GXYLT2: variants seen among roughly 807,000 people sequenced by gnomAD.
The protein encoded by GXYLT2 is glucoside xylosyltransferase 2.
GXYLT2 carries 53 observed loss-of-function variants against 45.8 expected under a neutral mutation model. The ratio of observed to expected loss-of-function variants is 1.16; its 90% confidence interval spans 0.93 to 1.46. The LOEUF is 1.46. Ranked by LOEUF, GXYLT2 falls within the 40% of genes most tolerant of loss-of-function variation. GXYLT2 has a pLI of 0.00. For synonymous variants in GXYLT2, 219 were observed against 214.2 expected, an observed-to-expected ratio of 1.02 and a Z score of -0.19; for missense variants, 551 against 544.4, an observed-to-expected ratio of 1.01 and a Z score of -0.12.
chr3:72,958,128 G>A (rs1430528428), intron 5 of GXYLT2, among the ~76,000 whole-genome samples: 1 of 151,866 alleles, frequency 6.6e-6, no homozygotes, highest in Non-Finnish European at 1.5e-5. Context: ...AAAAAAATTA[G>A]CCAGATGTGG....
intron 3 of GXYLT2, among the ~76,000 whole-genome samples, chr3:72,938,801 A>G (rs1175593728): frequency 1.3e-5 from 2 of 152,242 alleles, no homozygotes; most frequent in Non-Finnish European, 2.9e-5. Context: ...CACACAGCTG[A>G]AATGATGAAA....
intron 6 of GXYLT2, among the ~76,000 whole-genome samples, chr3:72,971,786 TA>T (rs1710989008): frequency 6.6e-6 from 1 of 151,812 alleles, no homozygotes; most frequent in South Asian, 2.1e-4. Flanking sequence ...CTGTCTCTAC[TA>T]AAAACATGAA....
chr3:72,947,667 G>A (rs1312255465), intron 3 of GXYLT2, among the ~76,000 whole-genome samples: 1 of 152,108 alleles, frequency 6.6e-6, no homozygotes, highest in Non-Finnish European at 1.5e-5. Context: ...CAAGTGTGGT[G>A]GTGGGCACCT....
chr3:72,931,190 G>A (rs1710027057), intron 3 of GXYLT2, among the ~76,000 whole-genome samples: 1 of 152,032 alleles, frequency 6.6e-6, no homozygotes, highest in African/African-American at 2.4e-5. Flanking sequence ...TAACAAAAAT[G>A]TAGAAATTAA....
chr3:72,905,184 C>G (rs1709488840), intron 1 of GXYLT2, among the ~76,000 whole-genome samples: 1 of 151,908 alleles, frequency 6.6e-6, no homozygotes, highest in African/African-American at 2.4e-5. Context: ...GTGGCACGAT[C>G]TCAGCTCATT....
At chr3:72,930,644 A>G (rs1253029279) in intron 3 of GXYLT2, among the ~76,000 whole-genome samples, 9 of 128,868 alleles carry the variant, frequency 7.0e-5, no homozygotes, top group Non-Finnish European at 1.1e-4. Context: ...CCCAGGCTAG[A>G]GTACAGTGGT....
In GXYLT2 at chr3:72,908,413, C is replaced by G; in HGVS notation, c.322C>G (p.Leu108Val). 6.2e-7 allele frequency: 1 copy of G among 1,613,834 alleles called. No individual in the cohort carries two copies. The highest frequency in any genetic ancestry group is 8.5e-7 in the Non-Finnish European group (1 of 1,179,840). ...TTTCCAAGCTGTGCTGCCACCCGAG[C>G]TCTGGATCCACCTGGCTGTGGTGGC... ...RSFQAVLPPE[L>V]WIHLAVVACG... The change falls in exon 2 of 7, where the codon CTC (leucine) becomes GTC (valine). Residue 108 changes from leucine to valine, a missense_variant. Leu to Val is a conservative substitution (Grantham distance 32, BLOSUM62 1). Transcript: ENST00000389617.
chr3:72,908,651 T>G (rs989267276), intron 2 of GXYLT2, 92 bp downstream of exon 2: 1 of 1,076,180 alleles, frequency 9.3e-7, no homozygotes, highest in African/African-American at 1.6e-5. Context: ...TGTATTTTGC[T>G]GCATGTTCAA....
At chr3:72,930,352 A>C (rs535241381) in intron 3 of GXYLT2, among the ~76,000 whole-genome samples, 1 of 151,502 alleles carries the variant, frequency 6.6e-6, no homozygotes, top group African/African-American at 2.4e-5. Context: ...AAACACAAAA[A>C]TTAGCTGGGC....
intron 2 of GXYLT2, among the ~76,000 whole-genome samples, chr3:72,917,031 C>T (rs1340019948): frequency 1.3e-5 from 2 of 151,892 alleles, no homozygotes; most frequent in African/African-American, 2.4e-5. Flanking sequence ...ATGAGGTGGG[C>T]GGTTAGATTG....
rs575203613 is a variant in GXYLT2, at chr3:72,892,335, G to C, written c.275+3827G>C. Among the ~76,000 whole-genome samples the C allele has an allele frequency of 6.2e-4, 94 of 152,232 alleles. No individual in the cohort carries two copies. The South Asian group carries it at 0.012, about 20-fold the overall frequency. Reference sequence around the variant, plus strand: ...GATTACTCAACCGCAACCCTGTCCTGAACTTTATTCTTTTTTTCTGTGTTG... The same window carrying C: ...GATTACTCAACCGCAACCCTGTCCTCAACTTTATTCTTTTTTTCTGTGTTG... On this transcript the variant is annotated intron_variant, in intron 1 of 6. Coordinates refer to ENST00000389617, the MANE Select transcript of GXYLT2 (RefSeq NM_001080393.2).
chr3:72,972,500 G>C lies in GXYLT2; in HGVS notation c.1150-2477G>C, dbSNP rs1213133141. 3.9e-5 allele frequency among the ~76,000 whole-genome samples: 6 copies of C among 151,936 alleles called. No individual in the cohort carries two copies. In the East Asian group the frequency reaches 1.2e-3, roughly 29 times the overall value. On this transcript the variant is annotated intron_variant, in intron 6 of 6. Transcript: ENST00000389617. ...TACTAAAAATACAGAAATCAGCCGG[G>C]CGTGGTGGCAGGCACCTGTAATCCC... is the stretch of plus-strand genomic sequence containing the variant.
At chr3:72,932,587 G>A (rs1032040099) in intron 3 of GXYLT2, among the ~76,000 whole-genome samples, 3 of 152,160 alleles carry the variant, frequency 2.0e-5, no homozygotes, top group Admixed American at 2.0e-4. Context: ...CAACATTTAA[G>A]CCACATGGAT....
intron 1 of GXYLT2, among the ~76,000 whole-genome samples, chr3:72,896,392 T>C (rs1245461517): frequency 6.6e-6 from 1 of 151,744 alleles, no homozygotes; most frequent in Non-Finnish European, 1.5e-5. Flanking sequence ...CTAGGCAATA[T>C]AGTGAGACAC....
intron 1 of GXYLT2, among the ~76,000 whole-genome samples, chr3:72,890,667 C>T (rs1299505060): frequency 2.0e-5 from 3 of 152,132 alleles, no homozygotes; most frequent in Non-Finnish European, 4.4e-5. Context: ...TTCAAGGTGT[C>T]GAGAACAGTG....
chr3:72,913,123 C>T (rs1411918759), intron 2 of GXYLT2, among the ~76,000 whole-genome samples: 10 of 150,750 alleles, frequency 6.6e-5, no homozygotes, highest in South Asian at 2.1e-4. Context: ...CTGCAAGCTC[C>T]GCCTCCCAGG....
chr3:72,900,108 C>T (rs538564429), intron 1 of GXYLT2, among the ~76,000 whole-genome samples: 2 of 152,308 alleles, frequency 1.3e-5, no homozygotes, highest in East Asian at 3.9e-4. Context: ...CAATTACTCA[C>T]TTTAATAATT....
chr3:72,894,726 TG>T lies in GXYLT2; in HGVS notation c.275+6221del, dbSNP rs139519044. On this transcript the variant is annotated intron_variant, in intron 1 of 6. Coordinates refer to ENST00000389617, the MANE Select transcript of GXYLT2 (RefSeq NM_001080393.2). ...TACAGGGGATTAAGGCCTTGAGTTT[TG>T]GGTTGCATGAAGATTGCCAGGTGGA... Among the ~76,000 whole-genome samples the T allele has an allele frequency of 4.4e-3, 673 of 152,330 alleles. 27 individuals carry two copies. The East Asian group carries it at 0.064, about 14-fold the overall frequency.
chr3:72,947,782 A>G (rs529864117), intron 3 of GXYLT2, among the ~76,000 whole-genome samples: 3 of 152,308 alleles, frequency 2.0e-5, no homozygotes, highest in Admixed American at 6.5e-5. Context: ...AGCCTGGGCA[A>G]CAGGAGCAAA....
Sources: gnomAD v4.1 joint callset for allele counts (sites outside exome capture counted in the v4.1 genomes callset) on GRCh38, gnomAD v4.1.1 for gene constraint, MANE v1.5 for transcripts, NCBI Gene and HGNC (gene_info 2026-07-23, HGNC 2026-07-21) for gene names.